Variants in RNFT2 observed in about 807,000 individuals in gnomAD.
RNFT2 encodes the protein ring finger protein, transmembrane 2, also known as E3 ubiquitin-protein ligase RNFT2.
RNFT2 carries 36 observed loss-of-function variants against 53.0 expected under a neutral mutation model. That is an observed-to-expected ratio of 0.68 (90% confidence interval 0.52 to 0.90). RNFT2 has a LOEUF of 0.90. Ranked by LOEUF, RNFT2 falls within the 40% of genes least tolerant of loss-of-function variation. RNFT2 has a pLI of 0.00. For missense variants in RNFT2, 514 were observed against 585.6 expected (o/e 0.88, Z 1.26); for synonymous variants, 260 against 253.2 (o/e 1.03, Z -0.26).
At chr12:116,761,700 C>T (rs2137090942) in intron 5 of RNFT2, among the ~76,000 whole-genome samples, 1 of 152,294 alleles carries the variant, frequency 6.6e-6, no homozygotes, top group South Asian at 2.1e-4. Context: ...AAGTTCCTTA[C>T]CTGAGGTCAC....
At chr12:116,848,816 T>G (rs1877749669) in intron 10 of RNFT2, among the ~76,000 whole-genome samples, 1 of 151,824 alleles carries the variant, frequency 6.6e-6, no homozygotes, top group African/African-American at 2.4e-5. Flanking sequence ...TTTTGTTTGT[T>G]TGTTTTTTGT....
At chr12:116,815,799 G>C (rs1875624462) in intron 7 of RNFT2, among the ~76,000 whole-genome samples, 1 of 152,122 alleles carries the variant, frequency 6.6e-6, no homozygotes, top group Non-Finnish European at 1.5e-5. Flanking sequence ...CCCCTACTTT[G>C]CTAACGAGGA....
At chr12:116,756,378 C>A (rs1872511440) in intron 5 of RNFT2, among the ~76,000 whole-genome samples, 2 of 151,958 alleles carry the variant, frequency 1.3e-5, no homozygotes, top group Admixed American at 1.3e-4. Context: ...TGATTCTCTA[C>A]TTGGTCGCCG....
chr12:116,783,839 G>T (rs116186503), intron 7 of RNFT2, among the ~76,000 whole-genome samples: 1,790 of 152,348 alleles, frequency 0.012, 42 homozygotes, highest in African/African-American at 0.042. Context: ...TCATTTTTCT[G>T]CCTGTTCTAG....
chr12:116,823,166 A>G (rs1321539198), intron 7 of RNFT2, among the ~76,000 whole-genome samples: 1 of 152,138 alleles, frequency 6.6e-6, no homozygotes, highest in Non-Finnish European at 1.5e-5. Flanking sequence ...AAGCTACTTC[A>G]TGTTAGCTGT....
chr12:116,839,622 G>A (rs747309447), intron 10 of RNFT2, among the ~76,000 whole-genome samples: 2 of 151,864 alleles, frequency 1.3e-5, no homozygotes, highest in African/African-American at 2.4e-5. Context: ...GGATGGAATG[G>A]TGTCCAAGTG....
intron 6 of RNFT2, among the ~76,000 whole-genome samples, chr12:116,775,152 T>C (rs1873371266): frequency 6.7e-6 from 1 of 149,932 alleles, no homozygotes; most frequent in Non-Finnish European, 1.5e-5. Flanking sequence ...CCCAGCTACT[T>C]GGAAGGCTGA....
Position 116,750,158 on chromosome 12 carries a change from A to C in RNFT2, c.401A>C (p.His134Pro). ...GSLLQHVGGD[H>P]RGHSEEGGDE... is the part of the protein sequence containing the mutation. ...CTGCTGCAGCACGTGGGTGGGGACC[A>C]CCGGGGGCACTCGGAGGAGGGAGGC... Residue 134 changes from histidine (H) to proline (P), a missense_variant, in exon 4 of 11, where the codon CAC (histidine) becomes CCC (proline). By Grantham distance (77) the His-to-Pro change is moderately conservative. Around this residue, in one of 3 missense-constraint regions of RNFT2, gnomAD observed 237 missense variants for 235.1 expected, o/e 1.01. Coordinates refer to ENST00000257575, the MANE Select transcript of RNFT2 (RefSeq NM_001382266.1). 1.3e-6 allele frequency: 2 copies of C among 1,589,640 alleles called. No individual in the cohort carries two copies. Among genetic ancestry groups the C allele is most frequent in the Middle Eastern group, 1.7e-4 (1 of 6,040 alleles).
At chr12:116,754,279 C>G (rs939188407) in intron 5 of RNFT2, among the ~76,000 whole-genome samples, 1 of 152,160 alleles carries the variant, frequency 6.6e-6, no homozygotes, top group African/African-American at 2.4e-5. Flanking sequence ...TCATCCAGGT[C>G]ACTGCAAGTG....
intron 3 of RNFT2, among the ~76,000 whole-genome samples, chr12:116,742,147 A>G (rs548042455): frequency 1.3e-5 from 2 of 152,270 alleles, no homozygotes; most frequent in Non-Finnish European, 2.9e-5. Context: ...CCGAGGAAAA[A>G]GCATAGGCCA....
chr12:116,789,819 T>C (rs2137132403), intron 7 of RNFT2, among the ~76,000 whole-genome samples: 1 of 136,628 alleles, frequency 7.3e-6, no homozygotes, highest in Non-Finnish European at 1.6e-5. Context: ...GGAAGGAGAG[T>C]GGATGGGTGG....
intron 4 of RNFT2, among the ~76,000 whole-genome samples, chr12:116,751,750 GTTTGTT>G (rs576133822): frequency 3.6e-4 from 55 of 151,084 alleles, no homozygotes; most frequent in South Asian, 2.9e-3. Flanking sequence ...TTTTTTGTTT[GTTTGTT>G]TTTGTTTTTG....
At chr12:116,775,320 TGAAGTCACCA>T (rs5801199) in intron 6 of RNFT2, among the ~76,000 whole-genome samples, 143,067 of 150,784 alleles carry the variant, frequency 0.95, 67,914 homozygotes, top group African/African-American at 0.97. Flanking sequence ...TTGTCCTTAC[TGAAGTCACCA>T]GAAGTCACCA....
intron 7 of RNFT2, among the ~76,000 whole-genome samples, chr12:116,783,506 C>G (rs1438616459): frequency 1.3e-5 from 2 of 152,218 alleles, no homozygotes; most frequent in Non-Finnish European, 2.9e-5. Context: ...CCATCAGCTG[C>G]CTCGTCAAGG....
intron 6 of RNFT2, among the ~76,000 whole-genome samples, chr12:116,773,335 C>G (rs545656000): frequency 6.6e-6 from 1 of 152,288 alleles, no homozygotes; most frequent in South Asian, 2.1e-4. Context: ...ACTAAGGGCC[C>G]TTTGGGTTAC....
At chr12:116,825,568 T>C (rs886357027) in intron 7 of RNFT2, among the ~76,000 whole-genome samples, 1 of 152,208 alleles carries the variant, frequency 6.6e-6, no homozygotes, top group Non-Finnish European at 1.5e-5. Context: ...TTTACTGACA[T>C]GTGAGAGCCA....
chr12:116,846,165 T>C (rs1244818798), intron 10 of RNFT2, among the ~76,000 whole-genome samples: 1 of 152,196 alleles, frequency 6.6e-6, no homozygotes, highest in Non-Finnish European at 1.5e-5. Flanking sequence ...GAGAGACAGA[T>C]AATAAACTGT....
At chr12:116,760,196 A>G (rs1030403662) in intron 5 of RNFT2, among the ~76,000 whole-genome samples, 2 of 152,114 alleles carry the variant, frequency 1.3e-5, no homozygotes, top group African/African-American at 4.8e-5. Context: ...CACTCCCACC[A>G]TGCCCACCAC....
In RNFT2 at chr12:116,852,228, G is replaced by GT; in HGVS notation, c.*2781dup. On this transcript the variant is annotated 3_prime_UTR_variant, in exon 11 of 11. Coordinates refer to ENST00000257575, the MANE Select transcript of RNFT2 (RefSeq NM_001382266.1). ...TGGCATTACAGAGAAAGCAATCTGT[G>GT]TGGCTAGTGGGCAGATTACCATGCA... The GT allele has an allele frequency of 7.8e-7, 1 of 1,276,170 alleles. No homozygotes were observed. Among genetic ancestry groups the GT allele is most frequent in the Non-Finnish European group, 1.0e-6 (1 of 1,004,816 alleles). 79.1% of individuals were successfully genotyped at this position (1,276,170 alleles called of 1,614,324 possible).
Sources: gnomAD v4.1 joint callset for allele counts (sites outside exome capture counted in the v4.1 genomes callset) on GRCh38, gnomAD v4.1.1 for gene constraint, gnomAD v4.1.1 regional missense constraint, MANE v1.5 for transcripts, NCBI Gene and HGNC (gene_info 2026-07-23, HGNC 2026-07-21) for gene names.